The following DOCK4 variants were observed in gnomAD, a reference collection of about 807,000 sequenced individuals.
DOCK4 encodes the protein dedicator of cytokinesis protein 4.
Under a neutral mutation model 268.1 loss-of-function variants are expected in DOCK4, and 97 were observed. That is an observed-to-expected ratio of 0.36 (90% CI 0.31 to 0.43). The LOEUF (loss-of-function observed/expected upper bound fraction) is 0.43. Among genes scored for constraint, DOCK4 ranks in the 20% least tolerant of loss-of-function variants. DOCK4 has a pLI of 1.00. For synonymous variants in DOCK4, 954 were observed against 887.2 expected (o/e 1.08, Z -1.34); for missense variants, 2,145 against 2,455.7 (o/e 0.87, Z 2.67).
At chr7:111,776,403 T>C (rs996739845) in intron 36 of DOCK4, among the ~76,000 whole-genome samples, 1 of 152,012 alleles carries the variant, frequency 6.6e-6, no homozygotes, top group Non-Finnish European at 1.5e-5. Context: ...ATAACAAAAA[T>C]AAACGTCTCA....
intron 25 of DOCK4, among the ~76,000 whole-genome samples, chr7:111,838,750 G>C (rs1038996334): frequency 6.6e-6 from 1 of 152,154 alleles, no homozygotes; most frequent in Non-Finnish European, 1.5e-5. Context: ...AGGGGCACAA[G>C]GAAGCTTTTG....
chr7:112,119,622 C>T (rs938519969), intron 1 of DOCK4, among the ~76,000 whole-genome samples: 3 of 152,060 alleles, frequency 2.0e-5, no homozygotes, highest in Non-Finnish European at 2.9e-5. Context: ...GAAACAGAAC[C>T]GGGTGGTTAT....
intron 30 of DOCK4, among the ~76,000 whole-genome samples, chr7:111,792,239 T>A (rs1309256918): frequency 6.6e-6 from 1 of 152,278 alleles, no homozygotes; most frequent in African/African-American, 2.4e-5. Context: ...TGAAAGCACA[T>A]GCTACTGAGA....
chr7:111,970,829 C>A (rs1206416846), intron 8 of DOCK4, among the ~76,000 whole-genome samples: 1 of 152,112 alleles, frequency 6.6e-6, no homozygotes, highest in African/African-American at 2.4e-5. Context: ...AAGCAGGATG[C>A]CGTGGGAATG....
intron 23 of DOCK4, among the ~76,000 whole-genome samples, chr7:111,858,814 C>T (rs1392958267): frequency 6.6e-6 from 1 of 151,818 alleles, no homozygotes; most frequent in African/African-American, 2.4e-5. Flanking sequence ...CCCTCCCTTC[C>T]TTCCTTCCCT....
intron 1 of DOCK4, among the ~76,000 whole-genome samples, chr7:112,027,422 A>T (rs1802903516): frequency 6.6e-6 from 1 of 152,206 alleles, no homozygotes; most frequent in African/African-American, 2.4e-5. Flanking sequence ...ACAGGGTTTC[A>T]CCATGTTGGC....
chr7:112,070,797 T>G (rs764980848), intron 1 of DOCK4, among the ~76,000 whole-genome samples: 8 of 152,198 alleles, frequency 5.3e-5, no homozygotes, highest in Non-Finnish European at 1.0e-4. Context: ...AGGAAAAGTC[T>G]TAGGCACACT....
chr7:112,083,578 A>G (rs758560938), intron 1 of DOCK4, among the ~76,000 whole-genome samples: 10 of 152,070 alleles, frequency 6.6e-5, no homozygotes, highest in Non-Finnish European at 1.3e-4. Context: ...AAATAAAATA[A>G]AAGGCCACCA....
At chr7:111,794,954 T>C (rs1799789568) in intron 30 of DOCK4, among the ~76,000 whole-genome samples, 1 of 152,170 alleles carries the variant, frequency 6.6e-6, no homozygotes, top group Admixed American at 6.5e-5. Flanking sequence ...TTCCAATTTC[T>C]CCTCTTAAAG....
intron 35 of DOCK4, among the ~76,000 whole-genome samples, chr7:111,780,736 AAG>A (rs1374272913): frequency 3.3e-5 from 5 of 152,244 alleles, no homozygotes; most frequent in Non-Finnish European, 5.9e-5. Context: ...TCAAAGAGTT[AAG>A]AGAAGTCTCT....
chr7:111,901,206 C>T (rs1461652225), intron 14 of DOCK4, among the ~76,000 whole-genome samples: 4 of 151,856 alleles, frequency 2.6e-5, no homozygotes, highest in South Asian at 2.1e-4. Flanking sequence ...TGGTTACGCA[C>T]GCCTGTAATC....
At chr7:111,959,719 T>G (rs1796715952) in intron 8 of DOCK4, among the ~76,000 whole-genome samples, 1 of 152,204 alleles carries the variant, frequency 6.6e-6, no homozygotes, top group Admixed American at 6.5e-5. Context: ...CATTTCCTTT[T>G]AAAATTGAAA....
At chr7:111,996,104 T>TAACATTTAAA (rs931437708) in intron 4 of DOCK4, among the ~76,000 whole-genome samples, 1 of 152,128 alleles carries the variant, frequency 6.6e-6, no homozygotes, top group Admixed American at 6.5e-5. Context: ...ACATACTACT[T>TAACATTTAAA]AACATTTAAA....
intron 1 of DOCK4, among the ~76,000 whole-genome samples, chr7:112,074,061 T>C (rs1807846140): frequency 6.6e-6 from 1 of 152,198 alleles, no homozygotes. Flanking sequence ...AATAGTTGTA[T>C]CTAAAATGAG....
intron 36 of DOCK4, among the ~76,000 whole-genome samples, chr7:111,773,892 C>T (rs1442173310): frequency 1.3e-5 from 2 of 151,876 alleles, no homozygotes; most frequent in Non-Finnish European, 2.9e-5. Flanking sequence ...TGGCATGTGC[C>T]TGTGGTCCCA....
At chr7:111,928,693 T>A (rs1332031985) in intron 12 of DOCK4, among the ~76,000 whole-genome samples, 19 of 151,840 alleles carry the variant, frequency 1.3e-4, no homozygotes, top group Admixed American at 1.2e-3. Flanking sequence ...ATTCAATTGA[T>A]TCTCCTGCCT....
intron 3 of DOCK4, among the ~76,000 whole-genome samples, chr7:111,999,520 T>C (rs1212064535): frequency 2.0e-5 from 3 of 152,052 alleles, no homozygotes; most frequent in Non-Finnish European, 4.4e-5. Flanking sequence ...AATGAATTCA[T>C]TAAATACTGA....
At chr7:111,974,004 A>G (rs1797939438) in intron 8 of DOCK4, among the ~76,000 whole-genome samples, 1 of 152,188 alleles carries the variant, frequency 6.6e-6, no homozygotes, top group South Asian at 2.1e-4. Context: ...GATACTCATT[A>G]CCTACACCAG....
chr7:111,783,731 C>T (rs1288141431), intron 34 of DOCK4, 126 bp downstream of exon 34: 7 of 816,176 alleles, frequency 8.6e-6, no homozygotes, highest in Non-Finnish European at 1.4e-5. Context: ...CTTAGTATAC[C>T]AGGTTCCATG....
Sources: gnomAD v4.1 joint callset for allele counts (sites outside exome capture counted in the v4.1 genomes callset) on GRCh38, gnomAD v4.1.1 for gene constraint, MANE v1.5 for transcripts, NCBI Gene and HGNC (gene_info 2026-07-23, HGNC 2026-07-21) for gene names.